The following MACROD2 variants were observed in gnomAD, a reference collection of about 807,000 sequenced individuals.
The protein encoded by MACROD2 is mono-ADP ribosylhydrolase 2, also known as ADP-ribose glycohydrolase MACROD2.
Under a neutral mutation model 70.4 loss-of-function variants are expected in MACROD2, and 36 were observed. The observed-to-expected ratio is 0.51, with a 90% CI of 0.39 to 0.68. MACROD2 has a LOEUF of 0.68. Ranked by LOEUF, MACROD2 falls within the 30% of genes least tolerant of loss-of-function variation. MACROD2 has a pLI of 0.00. For missense variants in MACROD2, 496 were observed against 538.4 expected, an observed-to-expected ratio of 0.92 and a Z score of 0.78; for synonymous variants, 172 against 178.8, an observed-to-expected ratio of 0.96 and a Z score of 0.30.
chr20:14,986,527 T>G (rs976810612), intron 5 of MACROD2, among the ~76,000 whole-genome samples: 9 of 152,236 alleles, frequency 5.9e-5, no homozygotes, highest in Admixed American at 5.2e-4. Flanking sequence ...ACTCTTTAAG[T>G]CTTGTTAGCA....
At chr20:13,999,184 A>G (rs1294494003) in intron 1 of MACROD2, among the ~76,000 whole-genome samples, 1 of 152,032 alleles carries the variant, frequency 6.6e-6, no homozygotes, top group Non-Finnish European at 1.5e-5. Flanking sequence ...TTTCTTGGGT[A>G]TGTTTAATTT....
At chr20:15,182,976 C>T (rs1157889683) in intron 5 of MACROD2, among the ~76,000 whole-genome samples, 1 of 152,144 alleles carries the variant, frequency 6.6e-6, no homozygotes, top group Non-Finnish European at 1.5e-5. Flanking sequence ...AGAAGCTTTA[C>T]TTGGTTTACT....
At chr20:15,210,826 A>T (rs1198184070) in intron 5 of MACROD2, among the ~76,000 whole-genome samples, 1 of 151,950 alleles carries the variant, frequency 6.6e-6, no homozygotes, top group East Asian at 1.9e-4. Context: ...TTAGCCTTCC[A>T]CTATGATTAT....
chr20:15,395,771 A>C (rs1476840278), intron 6 of MACROD2, among the ~76,000 whole-genome samples: 1 of 152,224 alleles, frequency 6.6e-6, no homozygotes, highest in East Asian at 1.9e-4. Context: ...CAATAGGTTA[A>C]TGTTTCTGGA....
intron 4 of MACROD2, among the ~76,000 whole-genome samples, chr20:14,613,455 C>T (rs1183729716): frequency 6.6e-6 from 1 of 151,806 alleles, no homozygotes; most frequent in African/African-American, 2.4e-5. Flanking sequence ...GAGAGGGAGA[C>T]AAAGAGACCT....
Position 15,549,700 on chromosome 20 carries a change from G to A in MACROD2, c.645+49853G>A, listed in dbSNP as rs565210010. On this transcript the variant is annotated intron_variant, in intron 8 of 17. Transcript: ENST00000684519. Reference sequence around the variant, plus strand: ...GAGCTCACTTTTCTTGTCTGCCCCAGTCCCAGTCGTCATATCCTATAATCG... The same window carrying A: ...GAGCTCACTTTTCTTGTCTGCCCCAATCCCAGTCGTCATATCCTATAATCG... Among the ~76,000 whole-genome samples the A allele has an allele frequency of 8.5e-5, 13 of 152,238 alleles. No homozygotes were observed. In the South Asian group the frequency reaches 2.1e-3, roughly 24 times the overall value.
intron 5 of MACROD2, among the ~76,000 whole-genome samples, chr20:15,058,593 T>C (rs957078021): frequency 6.6e-6 from 1 of 152,236 alleles, no homozygotes; most frequent in Non-Finnish European, 1.5e-5. Context: ...GAAGATGTTT[T>C]TCAGGGATGT....
chr20:14,181,088 C>G (rs1252840047), intron 3 of MACROD2, among the ~76,000 whole-genome samples: 2 of 144,150 alleles, frequency 1.4e-5, no homozygotes, highest in Non-Finnish European at 3.0e-5. Flanking sequence ...TTTTTTTAGA[C>G]AGGGTCTCTC....
At chr20:14,760,561 G>T (rs204100) in intron 5 of MACROD2, among the ~76,000 whole-genome samples, 17,595 of 151,994 alleles carry the variant, frequency 0.12, 1,401 homozygotes, top group African/African-American at 0.22. Flanking sequence ...ACAAAATACA[G>T]AGTACTGTTT....
chr20:14,707,728 A>G (rs536485071), intron 5 of MACROD2, among the ~76,000 whole-genome samples: 190 of 152,322 alleles, frequency 1.2e-3, no homozygotes, highest in Non-Finnish European at 1.7e-3. Context: ...GAAGGCGCCC[A>G]TCACAACTAT....
In MACROD2 at chr20:15,234,913, A is replaced by C. The variant is rs531727379; in HGVS notation, c.540+4852A>C. Reference sequence around the variant, plus strand: ...GTCTTTATTCTTTTTGTTTGTGAGCACAGAAATATTTTGTAATGATTTTTA... The same window carrying C: ...GTCTTTATTCTTTTTGTTTGTGAGCCCAGAAATATTTTGTAATGATTTTTA... On this transcript the variant is annotated intron_variant, in intron 6 of 17. Coordinates refer to ENST00000684519, the MANE Select transcript of MACROD2 (RefSeq NM_001351661.2). 2.0e-5 allele frequency among the ~76,000 whole-genome samples: 3 copies of C among 152,300 alleles called. No individual in the cohort carries two copies. The East Asian group carries it at 5.8e-4, about 29-fold the overall frequency.
intron 5 of MACROD2, among the ~76,000 whole-genome samples, chr20:14,739,294 T>C (rs2071705273): frequency 6.6e-6 from 1 of 151,980 alleles, no homozygotes; most frequent in Admixed American, 6.5e-5. Context: ...AATAACTGTA[T>C]ATTAAGTGGA....
At chr20:15,276,097 CAATT>C (rs1271126207) in intron 6 of MACROD2, among the ~76,000 whole-genome samples, 1 of 152,024 alleles carries the variant, frequency 6.6e-6, no homozygotes, top group Non-Finnish European at 1.5e-5. Context: ...CGTAAAAAGT[CAATT>C]AAAAATCTCA....
intron 8 of MACROD2, among the ~76,000 whole-genome samples, chr20:15,616,355 C>T (rs576264428): frequency 2.0e-5 from 3 of 152,210 alleles, no homozygotes; most frequent in South Asian, 4.1e-4. Context: ...CCACCCGCCT[C>T]GGCCTCCCAA....
chr20:15,596,230 G>A (rs573458750), intron 8 of MACROD2, among the ~76,000 whole-genome samples: 16 of 152,340 alleles, frequency 1.1e-4, no homozygotes, highest in African/African-American at 3.4e-4. Context: ...GAGAGCTCCT[G>A]TTGATGGCCA....
chr20:15,028,986 T>G (rs939208199), intron 5 of MACROD2, among the ~76,000 whole-genome samples: 1 of 152,100 alleles, frequency 6.6e-6, no homozygotes, highest in Non-Finnish European at 1.5e-5. Context: ...ATTCAGCATA[T>G]CTGCTGCAGA....
At chr20:15,665,840 A>G (rs2049889841) in intron 8 of MACROD2, among the ~76,000 whole-genome samples, 1 of 152,184 alleles carries the variant, frequency 6.6e-6, no homozygotes, top group Non-Finnish European at 1.5e-5. Context: ...CAAGAAACTG[A>G]CAATCCACAG....
chr20:15,745,678 C>T (rs941444188), intron 8 of MACROD2, among the ~76,000 whole-genome samples: 4 of 152,018 alleles, frequency 2.6e-5, no homozygotes, highest in Non-Finnish European at 4.4e-5. Context: ...GCAATATTCC[C>T]CTATATTGTC....
chr20:14,044,090 C>T (rs1218782350), intron 2 of MACROD2, among the ~76,000 whole-genome samples: 1 of 152,196 alleles, frequency 6.6e-6, no homozygotes, highest in Admixed American at 6.5e-5. Flanking sequence ...GTGAGTGTTA[C>T]AGTTCTTAAA....
Sources: allele counts gnomAD v4.1 joint callset (sites outside exome capture counted in the v4.1 genomes callset), GRCh38; gene constraint gnomAD v4.1.1; transcripts MANE v1.5; gene names NCBI Gene and HGNC (gene_info 2026-07-23, HGNC 2026-07-21).